The following HERC3 variants were observed in gnomAD, a reference collection of about 807,000 sequenced individuals.
HERC3 encodes probable E3 ubiquitin-protein ligase HERC3.
In HERC3, 58 loss-of-function variants were observed where a neutral mutation model predicts 129.9. That is an observed-to-expected ratio of 0.45 (90% CI 0.36 to 0.56). HERC3 has a LOEUF of 0.56. HERC3 is among the 20% of genes least tolerant of loss of function. The pLI is 0.00. For synonymous variants in HERC3, 430 were observed against 451.0 expected (o/e 0.95, Z 0.59); for missense variants, 835 against 1,244.2 (o/e 0.67, Z 4.95).
At chr4:88,617,374 A>G (rs1725023716) in intron 3 of HERC3, among the ~76,000 whole-genome samples, 1 of 152,060 alleles carries the variant, frequency 6.6e-6, no homozygotes, top group African/African-American at 2.4e-5. Context: ...AACAACAACA[A>G]AAACAAACAA....
At chr4:88,587,646 C>A (rs72882912), upstream of HERC3, among the ~76,000 whole-genome samples, 7,384 of 152,206 alleles carry the variant, frequency 0.049, 580 homozygotes, top group African/African-American at 0.17. Flanking sequence ...TAACAAAATT[C>A]CTTAAATTTC....
chr4:88,540,812 C>T, the HERC3 span, among the ~76,000 whole-genome samples: 2 of 152,088 alleles, frequency 1.3e-5, no homozygotes, highest in Admixed American at 6.6e-5. Flanking sequence ...AAAAAATTTT[C>T]AATCCAGAAT....
chr4:88,698,107 C>G (rs1347258749), intron 23 of HERC3, among the ~76,000 whole-genome samples: 1 of 152,164 alleles, frequency 6.6e-6, no homozygotes, highest in Non-Finnish European at 1.5e-5. Flanking sequence ...TCAGGAACTG[C>G]ATAGATGGCC....
At chr4:88,645,688 C>T (rs1049841553) in intron 3 of HERC3, among the ~76,000 whole-genome samples, 7 of 152,146 alleles carry the variant, frequency 4.6e-5, no homozygotes, top group African/African-American at 1.7e-4. Flanking sequence ...AGGGATGGTT[C>T]ATGTCCCAGG....
At chr4:88,640,642 G>A (rs1402462578) in intron 3 of HERC3, among the ~76,000 whole-genome samples, 1 of 151,988 alleles carries the variant, frequency 6.6e-6, no homozygotes, top group African/African-American at 2.4e-5. Context: ...AACAAGTGAC[G>A]GGTTAATAGG....
At chr4:88,574,882 C>T in the HERC3 span, among the ~76,000 whole-genome samples, 2 of 152,112 alleles carry the variant, frequency 1.3e-5, no homozygotes. Context: ...CATGAGTCTA[C>T]AAAGATCTCT....
At chr4:88,644,446 A>G (rs1476445832) in intron 3 of HERC3, among the ~76,000 whole-genome samples, 1 of 152,212 alleles carries the variant, frequency 6.6e-6, no homozygotes, top group African/African-American at 2.4e-5. Context: ...CAAACTGTTG[A>G]TACATGCAAC....
intron 23 of HERC3, chr4:88,697,644 A>G (rs1210098980): frequency 1.2e-6 from 2 of 1,613,478 alleles, no homozygotes; most frequent in African/African-American, 1.3e-5. Flanking sequence ...CCGCGCTGTC[A>G]CAGTCTCCAC....
intron 2 of HERC3, among the ~76,000 whole-genome samples, chr4:88,596,250 T>G (rs923136867): frequency 6.6e-6 from 1 of 152,184 alleles, no homozygotes; most frequent in Non-Finnish European, 1.5e-5. Flanking sequence ...AGAGGTTAGA[T>G]CAAATGGACT....
At chr4:88,554,016 G>C in the HERC3 span, among the ~76,000 whole-genome samples, 1 of 152,264 alleles carries the variant, frequency 6.6e-6, no homozygotes, top group East Asian at 1.9e-4. Context: ...AGACCGTTGG[G>C]CAGAAACCTT....
At chr4:88,565,367 A>G in the HERC3 span, among the ~76,000 whole-genome samples, 1 of 152,062 alleles carries the variant, frequency 6.6e-6, no homozygotes, top group Admixed American at 6.6e-5. Flanking sequence ...ATTGGGGTCT[A>G]TCTCTCTCTT....
At chr4:88,537,917 A>T in the HERC3 span, among the ~76,000 whole-genome samples, 1 of 152,220 alleles carries the variant, frequency 6.6e-6, no homozygotes. Flanking sequence ...TTTCTGTGAC[A>T]CTGTGCATTT....
chr4:88,610,764 A>G lies in HERC3; in HGVS notation c.226+4715A>G, dbSNP rs190238020. On this transcript the variant is annotated intron_variant, in intron 3 of 25. Transcript: ENST00000402738. Reference sequence around the variant, plus strand: ...AAAGGAAGCAAAAACCTCGCAGAACAATGATAGCAAAGATCTGTAGAAGGC... The same window carrying G: ...AAAGGAAGCAAAAACCTCGCAGAACGATGATAGCAAAGATCTGTAGAAGGC... Among the ~76,000 whole-genome samples the G allele has an allele frequency of 7.9e-4, 120 of 152,350 alleles. No individual in the cohort carries two copies. In the Middle Eastern group the frequency reaches 0.01, roughly 13 times the overall value.
chr4:88,673,839 C>T (rs190728861), intron 16 of HERC3, among the ~76,000 whole-genome samples: 12 of 152,294 alleles, frequency 7.9e-5, no homozygotes, highest in East Asian at 3.9e-4. Flanking sequence ...TACAGATTCG[C>T]GGCTTCTTTT....
upstream of HERC3, among the ~76,000 whole-genome samples, chr4:88,590,005 C>T (rs1046317877): frequency 2.0e-5 from 3 of 152,200 alleles, no homozygotes; most frequent in Non-Finnish European, 4.4e-5. Flanking sequence ...CGGAGGCTCA[C>T]GCCTGTAATC....
At chr4:88,651,557 T>C (rs1415142506) in intron 4 of HERC3, among the ~76,000 whole-genome samples, 1 of 152,232 alleles carries the variant, frequency 6.6e-6, no homozygotes, top group African/African-American at 2.4e-5. Flanking sequence ...CAGTATGTGC[T>C]TGCACTGTAT....
intron 3 of HERC3, among the ~76,000 whole-genome samples, chr4:88,618,765 G>C (rs936573344): frequency 2.0e-5 from 3 of 152,140 alleles, no homozygotes; most frequent in Non-Finnish European, 4.4e-5. Context: ...ACAAAACAAA[G>C]TCATGTTTCA....
the HERC3 span, among the ~76,000 whole-genome samples, chr4:88,540,935 G>C: frequency 6.6e-6 from 1 of 152,206 alleles, no homozygotes; most frequent in South Asian, 2.1e-4. Context: ...AAGAGCTCCT[G>C]AAGGAAGCAC....
chr4:88,637,702 G>A (rs185467552), intron 3 of HERC3, among the ~76,000 whole-genome samples: 1 of 152,214 alleles, frequency 6.6e-6, no homozygotes, highest in African/African-American at 2.4e-5. Context: ...AGAAGCAAGA[G>A]CAAACAAATC....
Sources: allele counts gnomAD v4.1 joint callset (sites outside exome capture counted in the v4.1 genomes callset), GRCh38; gene constraint gnomAD v4.1.1; transcripts MANE v1.5; gene names NCBI Gene and HGNC (gene_info 2026-07-23, HGNC 2026-07-21).